The following MLIP variants were observed in gnomAD, a reference collection of about 807,000 sequenced individuals.
MLIP encodes muscular LMNA interacting protein, also known as muscular LMNA-interacting protein.
Under a neutral mutation model 84.8 loss-of-function variants are expected in MLIP, and 79 were observed. The ratio of observed to expected loss-of-function variants is 0.93; its 90% CI spans 0.78 to 1.12. MLIP has a LOEUF of 1.12. MLIP is among the 50% of genes most tolerant of loss of function. The pLI, the probability that MLIP is intolerant of heterozygous loss-of-function variation, is 0.00. For synonymous variants in MLIP, 504 were observed against 463.0 expected, an observed-to-expected ratio of 1.09 and a Z score of -1.14; for missense variants, 1,257 against 1,160.6, an observed-to-expected ratio of 1.08 and a Z score of -1.21.
chr6:54,024,938 A>G (rs1763711360), intron 1 of MLIP, among the ~76,000 whole-genome samples: 1 of 152,042 alleles, frequency 6.6e-6, no homozygotes, highest in African/African-American at 2.4e-5. Flanking sequence ...CCCGGGTTCA[A>G]GCAATTATCC....
intron 1 of MLIP, among the ~76,000 whole-genome samples, chr6:54,033,918 AT>A (rs1302719695): frequency 9.2e-5 from 14 of 152,218 alleles, no homozygotes; most frequent in South Asian, 2.1e-4. Flanking sequence ...GTACTTTAAC[AT>A]TCTTCTAAAT....
At chr6:54,237,131 G>A (rs767095108) in intron 12 of MLIP, among the ~76,000 whole-genome samples, 1 of 151,884 alleles carries the variant, frequency 6.6e-6, no homozygotes, top group African/African-American at 2.4e-5. Flanking sequence ...GGAAATGCCT[G>A]TTAGGGGAGT....
intron 12 of MLIP, among the ~76,000 whole-genome samples, chr6:54,254,726 CT>C (rs758826428): frequency 0.022 from 2,645 of 120,196 alleles, 46 homozygotes; most frequent in Non-Finnish European, 0.029. Flanking sequence ...TTAGAATCTT[CT>C]TTTTTTTTCT....
At chr6:54,145,502 T>A (rs1339809109) in intron 4 of MLIP, among the ~76,000 whole-genome samples, 1 of 152,062 alleles carries the variant, frequency 6.6e-6, no homozygotes, top group East Asian at 1.9e-4. Flanking sequence ...CCAGGCATGG[T>A]GGCTCACGCC....
chr6:54,113,477 A>G (rs551787879), intron 1 of MLIP, among the ~76,000 whole-genome samples: 1 of 152,328 alleles, frequency 6.6e-6, no homozygotes, highest in African/African-American at 2.4e-5. Flanking sequence ...TCCTTCCTAC[A>G]ATATAAAGCA....
chr6:54,113,479 T>C (rs1175863420), intron 1 of MLIP, among the ~76,000 whole-genome samples: 1 of 152,198 alleles, frequency 6.6e-6, no homozygotes, highest in Non-Finnish European at 1.5e-5. Flanking sequence ...CTTCCTACAA[T>C]ATAAAGCACT....
intron 11 of MLIP, among the ~76,000 whole-genome samples, chr6:54,202,835 C>G (rs1449728459): frequency 6.6e-6 from 1 of 152,172 alleles, no homozygotes; most frequent in Non-Finnish European, 1.5e-5. Flanking sequence ...GCGGTTGAGG[C>G]TCCAGTGAGC....
intron 1 of MLIP, chr6:54,047,657 C>CA (rs1332496750): frequency 6.6e-6 from 1 of 152,126 alleles, no homozygotes; most frequent in African/African-American, 2.4e-5. Flanking sequence ...GACGTGATGT[C>CA]ACTGTTGAAC....
intron 11 of MLIP, among the ~76,000 whole-genome samples, chr6:54,225,473 T>G (rs925464795): frequency 3.9e-5 from 6 of 152,212 alleles, no homozygotes; most frequent in Admixed American, 3.9e-4. Context: ...ATGCAGTTCA[T>G]GATGACAACT....
At chr6:54,130,862 T>C (rs563021571) in intron 3 of MLIP, among the ~76,000 whole-genome samples, 1 of 151,838 alleles carries the variant, frequency 6.6e-6, no homozygotes, top group African/African-American at 2.4e-5. Flanking sequence ...AGAAGAAATA[T>C]GAAAAGGACT....
At chr6:54,257,861 A>G (rs1207362459) in intron 13 of MLIP, among the ~76,000 whole-genome samples, 1 of 152,142 alleles carries the variant, frequency 6.6e-6, no homozygotes, top group Non-Finnish European at 1.5e-5. Context: ...AAGGCATATC[A>G]GCTCAATCAT....
chr6:54,095,784 A>G (rs1343459428), intron 1 of MLIP, among the ~76,000 whole-genome samples: 2 of 152,164 alleles, frequency 1.3e-5, no homozygotes, highest in Non-Finnish European at 2.9e-5. Context: ...CAGAGTCAGA[A>G]TCTCTGTTCT....
chr6:54,108,990 A>C (rs981219156), upstream of MLIP, among the ~76,000 whole-genome samples: 1 of 151,782 alleles, frequency 6.6e-6, no homozygotes, highest in South Asian at 2.1e-4. Flanking sequence ...GTGATCTCTA[A>C]GATGTATTGA....
At chr6:54,122,122 C>T (rs1296756622) in intron 2 of MLIP, among the ~76,000 whole-genome samples, 1 of 152,004 alleles carries the variant, frequency 6.6e-6, no homozygotes, top group Non-Finnish European at 1.5e-5. Context: ...TTTCAATAAT[C>T]TAACTCTTTG....
intron 1 of MLIP, among the ~76,000 whole-genome samples, chr6:54,084,784 T>C (rs577369977): frequency 1.3e-5 from 2 of 152,274 alleles, no homozygotes; most frequent in South Asian, 4.2e-4. Flanking sequence ...TAAAGGCATT[T>C]TAATCTAAGA....
At chr6:54,092,750 A>G (rs935496237) in intron 1 of MLIP, among the ~76,000 whole-genome samples, 1 of 152,178 alleles carries the variant, frequency 6.6e-6, no homozygotes, top group Non-Finnish European at 1.5e-5. Flanking sequence ...TCTTCTCAAC[A>G]ATTGCAAGAC....
intron 1 of MLIP, among the ~76,000 whole-genome samples, chr6:54,085,622 A>AGCC (rs1319750391): frequency 6.6e-6 from 1 of 152,192 alleles, no homozygotes; most frequent in Non-Finnish European, 1.5e-5. Context: ...AAAGGGTGGA[A>AGCC]GCCCAGCAGA....
intron 12 of MLIP, among the ~76,000 whole-genome samples, chr6:54,251,031 A>T (rs1006754984): frequency 6.6e-6 from 1 of 152,010 alleles, no homozygotes; most frequent in African/African-American, 2.4e-5. Flanking sequence ...ACTGATTGTT[A>T]TATCCTTAAC....
At position 54,265,958 on chromosome 6, in the gene MLIP, T is replaced by C. The variant is rs747712599; in HGVS notation, c.*3T>C. On this transcript the variant is annotated 3_prime_UTR_variant, in exon 14 of 14. Coordinates refer to ENST00000502396, the MANE Select transcript of MLIP (RefSeq NM_001281747.2). ...ATTCTCTTATTTTACAGCAATGAAG[T>C]TGGAGCAGAGGCTGAAAACACAGGC... is the stretch of plus-strand genomic sequence containing the variant. 6.8e-6 allele frequency: 11 copies of C among 1,611,922 alleles called. No homozygotes were observed. Among genetic ancestry groups the C allele is most frequent in the Non-Finnish European group, 8.5e-6 (10 of 1,179,008 alleles).
Sources: allele counts gnomAD v4.1 joint callset (sites outside exome capture counted in the v4.1 genomes callset), GRCh38; gene constraint gnomAD v4.1.1; transcripts MANE v1.5; gene names NCBI Gene and HGNC (gene_info 2026-07-23, HGNC 2026-07-21).